KIF1C: variants seen among roughly 807,000 people sequenced by gnomAD.
KIF1C encodes kinesin family member 1C, also known as kinesin-like protein KIF1C.
KIF1C carries 61 observed loss-of-function variants against 126.5 expected under a neutral mutation model. The observed-to-expected ratio is 0.48, with a 90% CI of 0.39 to 0.60. The LOEUF is 0.60. KIF1C is among the 20% of genes least tolerant of loss of function. KIF1C has a pLI of 0.00. For synonymous variants in KIF1C, 640 were observed against 580.6 expected, an observed-to-expected ratio of 1.10 and a Z score of -1.47; for missense variants, 1,315 against 1,489.2, an observed-to-expected ratio of 0.88 and a Z score of 1.93.
At position 5,001,215 on chromosome 17, in the gene KIF1C, C is replaced by G; in HGVS notation, c.184-7C>G. On this transcript the variant is annotated splice_polypyrimidine_tract_variant and splice_region_variant and intron_variant, in intron 4 of 22. Coordinates refer to ENST00000320785, the MANE Select transcript of KIF1C (RefSeq NM_006612.6). ...CTCTGTTTTTCTCTGCCCCCACTTT[C>G]TCCTAGACGGAGGACCCCCAGTTTG... The G allele has an allele frequency of 1.2e-6, 2 of 1,613,872 alleles. No individual in the cohort carries two copies. The highest frequency in any genetic ancestry group is 1.1e-5 in the South Asian group (1 of 91,084).
chr17:5,007,198 G>A (rs555403346), intron 14 of KIF1C, 65 bp from the exon 15 acceptor site: 14 of 1,574,680 alleles, frequency 8.9e-6, no homozygotes, highest in African/African-American at 8.1e-5. Context: ...CCCAGGGTAG[G>A]TTGTCCCTAC....
rs772986886 is a variant in KIF1C, at chr17:5,023,535, C to T, written c.2696C>T (p.Ala899Val). 1 of 1,613,988 alleles carries T rather than the reference C, an allele frequency of 6.2e-7. No individual in the cohort carries two copies. The highest frequency in any genetic ancestry group is 1.1e-5 in the South Asian group (1 of 91,086). The change falls in exon 23 of 23, where the codon GCA (alanine) becomes GTA (valine). Residue 899 changes from alanine (A) to valine (V), a missense_variant. Transcript: ENST00000320785. The surrounding 1 kb of genome is among the most constrained non-coding windows in gnomAD (Gnocchi z 4.2). ...PWAPPEGSEA[A>V]EEAAPSDRMP... ...GCCCCGCCTGAAGGATCAGAGGCAG[C>T]AGAGGAGGCAGCCCCCAGTGACCGC...
At chr17:5,003,388 TC>T (rs1017377284) in intron 8 of KIF1C, among the ~76,000 whole-genome samples, 13 of 152,288 alleles carry the variant, frequency 8.5e-5, no homozygotes, top group Middle Eastern at 3.4e-3. Flanking sequence ...CCCCTGTGTG[TC>T]CCTTGTCCAT....
intron 16 of KIF1C, among the ~76,000 whole-genome samples, chr17:5,010,739 T>A (rs1477800062): frequency 6.6e-6 from 1 of 151,114 alleles, no homozygotes; most frequent in Admixed American, 6.6e-5. Context: ...AGAGCGAGAC[T>A]CCGTCTCAAA....
At position 5,022,058 on chromosome 17, in the gene KIF1C, A is replaced by G; in HGVS notation, c.2011-34A>G. 6.4e-7 allele frequency: 1 copy of G among 1,565,726 alleles called. No homozygotes were observed. The highest frequency in any genetic ancestry group is 8.7e-7 in the Non-Finnish European group (1 of 1,154,134). ...AGACACATGGGCTCTGGATGTCCTT[A>G]GCCCTCTCTTCCTCTTTCTTTCTCT... On this transcript the variant is annotated intron_variant, in intron 21 of 22. Transcript: ENST00000320785. The surrounding 1 kb of genome is among the most constrained non-coding windows in gnomAD (Gnocchi z 4.9).
At chr17:5,010,474 T>C (rs562769032) in intron 16 of KIF1C, among the ~76,000 whole-genome samples, 1 of 151,956 alleles carries the variant, frequency 6.6e-6, no homozygotes, top group South Asian at 2.1e-4. Flanking sequence ...CTAGGCCGGG[T>C]GCGGTGGCTC....
Position 5,004,981 on chromosome 17 carries a change from G to A in KIF1C, c.1146G>A (p.Leu382=). Residue 382 remains leucine (L), a synonymous_variant, in exon 13 of 23, where the codon CTG becomes CTA. Transcript: ENST00000320785. ...GGGAACTGCTGATGGCTCAGGGACT[G>A]TCAGCCTCTGCTCTGGAAGGTCGAG... ...RLRELLMAQG[L]SASALEGLKT... 6.2e-7 allele frequency: 1 copy of A among 1,614,248 alleles called. No individual in the cohort carries two copies. The highest frequency in any genetic ancestry group is 1.1e-5 in the South Asian group (1 of 91,088).
At position 5,007,534 on chromosome 17, in the gene KIF1C, C is replaced by A; in HGVS notation, c.1483C>A (p.Pro495Thr). 1 of 1,552,188 alleles carries A rather than the reference C, an allele frequency of 6.4e-7. No individual in the cohort carries two copies. The highest frequency in any genetic ancestry group is 8.7e-7 in the Non-Finnish European group (1 of 1,150,772). ...TGGGGGAACTGTGGGCGTCTTCTCT[C>A]CAAAGAAGGTGAGTGAGGAATCGAG... is the stretch of plus-strand genomic sequence containing the variant. ...EDGGTVGVFS[P>T]KKTPHLVNLN... is the part of the protein sequence containing the mutation. Residue 495 changes from proline (P) to threonine (T), a missense_variant, in exon 16 of 23, where the codon CCA becomes ACA. Pro to Thr is a conservative substitution (Grantham distance 38). Around this residue, in one of 2 missense-constraint regions of KIF1C, gnomAD observed 874 missense variants for 1,053.2 expected, o/e 0.83. Coordinates refer to ENST00000320785, the MANE Select transcript of KIF1C (RefSeq NM_006612.6).
In KIF1C at chr17:5,020,100, T is replaced by C; in HGVS notation, c.1750+21T>C. The C allele has an allele frequency of 1.9e-6, 3 of 1,560,482 alleles. No individual in the cohort carries two copies. Among genetic ancestry groups the C allele is most frequent in the Non-Finnish European group, 2.6e-6 (3 of 1,149,066 alleles). ...GTCAGGTAGAAGATGTGTCGCAGAT[T>C]GAGGGTTCTGGGGCGTGGCTGTGTG... On this transcript the variant is annotated intron_variant, in intron 19 of 22. Transcript: ENST00000320785. The surrounding 1 kb of genome is among the most constrained non-coding windows in gnomAD (Gnocchi z 5.8).
chr17:5,013,473 C>T (rs1260766448), intron 16 of KIF1C, among the ~76,000 whole-genome samples, 180 bp from the exon 17 acceptor site: 14 of 152,018 alleles, frequency 9.2e-5, no homozygotes, highest in Admixed American at 2.6e-4. Flanking sequence ...AACCAAAGAA[C>T]GTCATCGGGG....
intron 18 of KIF1C, among the ~76,000 whole-genome samples, chr17:5,017,595 G>A (rs555001866): frequency 1.3e-5 from 2 of 152,104 alleles, no homozygotes; most frequent in Admixed American, 6.5e-5. Flanking sequence ...TGAGCCACGC[G>A]CCCAGCCTGG....
intron 16 of KIF1C, among the ~76,000 whole-genome samples, chr17:5,009,496 T>C (rs1466180358): frequency 6.6e-6 from 1 of 151,710 alleles, no homozygotes; most frequent in African/African-American, 2.4e-5. Flanking sequence ...GTTCTTACTA[T>C]ATTCTCCTTG....
Position 5,013,686 on chromosome 17 carries a change from C to T in KIF1C, c.1525C>T (p.Leu509=). The T allele has an allele frequency of 6.2e-7, 1 of 1,613,862 alleles. No homozygotes were observed. ...CCTGGTGAACCTGAACGAAGACCCTCTGATGTCTGAGTGTCTGCTCTACCA... is the reference window on the plus strand; with the variant it reads ...CCTGGTGAACCTGAACGAAGACCCTTTGATGTCTGAGTGTCTGCTCTACCA... ...PHLVNLNEDP[L]MSECLLYHIK... The change falls in exon 17 of 23, where the codon CTG becomes TTG. Residue 509 remains leucine, a synonymous_variant. Transcript: ENST00000320785.
Position 5,000,802 on chromosome 17 carries a change from C to T in KIF1C, c.137C>T (p.Ala46Val), listed in dbSNP as rs1347751013. ...SIINPKQSKDAPKSFTFDYSY... is the reference protein window; with the variant it reads ...SIINPKQSKDVPKSFTFDYSY... ...ATCAATCCTAAACAGAGCAAGGATG[C>T]CCCCAAAAGCTTCACCTTTGACTAC... Residue 46 changes from alanine (A) to valine (V), a missense_variant, in exon 4 of 23, where the codon GCC becomes GTC. Physicochemically the swap from Ala to Val is moderately conservative, Grantham distance 64. Transcript: ENST00000320785. 1 of 1,614,018 alleles carries T rather than the reference C, an allele frequency of 6.2e-7. No individual in the cohort carries two copies. The highest frequency in any genetic ancestry group is 8.5e-7 in the Non-Finnish European group (1 of 1,179,944).
Position 5,004,983 on chromosome 17 carries a change from C to T in KIF1C, c.1148C>T (p.Ser383Leu). ...GAACTGCTGATGGCTCAGGGACTGT[C>T]AGCCTCTGCTCTGGAAGGTCGAGGT... ...LRELLMAQGLSASALEGLKTE... is the reference protein window; with the variant it reads ...LRELLMAQGLLASALEGLKTE... Residue 383 changes from serine (S) to leucine (L), a missense_variant, in exon 13 of 23, where the codon TCA becomes TTA. Physicochemically the swap from Ser to Leu is moderately radical, Grantham distance 145 (BLOSUM62 -2). Transcript: ENST00000320785. 1 of 1,614,234 alleles carries T rather than the reference C, an allele frequency of 6.2e-7. No homozygotes were observed. Among genetic ancestry groups the T allele is most frequent in the Non-Finnish European group, 8.5e-7 (1 of 1,180,036 alleles).
chr17:5,023,576 C>T lies in KIF1C; in HGVS notation c.2737C>T (p.Pro913Ser), dbSNP rs368398299. 20 of 1,613,316 alleles carry T rather than the reference C, an allele frequency of 1.2e-5. No individual in the cohort carries two copies. The East Asian group carries it at 2.0e-4, about 16-fold the overall frequency. The change falls in exon 23 of 23, where the codon CCC (proline) becomes TCC (serine). Residue 913 changes from proline (P) to serine (S), a missense_variant. Pro to Ser is a moderately conservative substitution (Grantham distance 74). Coordinates refer to ENST00000320785, the MANE Select transcript of KIF1C (RefSeq NM_006612.6). The surrounding 1 kb of genome is among the most constrained non-coding windows in gnomAD (Gnocchi z 4.2). ...CAGTGACCGCATGCCGTCAGCCCGG[C>T]CCCCCTCGCCACCACTGTCAAGCTG... ...APSDRMPSAR[P>S]PSPPLSSWER... is the part of the protein sequence containing the mutation.
rs150834363 is a variant in KIF1C at position 5,008,743 on chromosome 17, G to C, written c.1491+1201G>C. On this transcript the variant is annotated intron_variant, in intron 16 of 22. Coordinates refer to ENST00000320785, the MANE Select transcript of KIF1C (RefSeq NM_006612.6). ...TGTCTGGGGTCTTGTCTGGGGCTGG[G>C]TACCCTGGGGCTTTGGGGTCCTTCT... Among the ~76,000 whole-genome samples the C allele has an allele frequency of 6.8e-3, 1,043 of 152,304 alleles. 14 individuals carry two copies. Among genetic ancestry groups the C allele is most frequent in the African/African-American group, 0.023 (973 of 41,572 alleles).
In KIF1C at chr17:5,028,109, C is replaced by T. The variant is rs1373715800; in HGVS notation, c.*3958C>T. 6.6e-6 allele frequency: 1 copy of T among 152,148 alleles called. No individual in the cohort carries two copies. The highest frequency in any genetic ancestry group is 2.4e-5 in the African/African-American group (1 of 41,432). The allele number at this position is 152,148 out of a possible 1,614,324, so 9.4% of individuals were successfully genotyped here. ...ATTGCCCAGGCTGTCCTGTGAGTGA[C>T]AGCAGCTATTTCGTGGGCCTCCTCT... On this transcript the variant is annotated 3_prime_UTR_variant, in exon 23 of 23. Coordinates refer to ENST00000320785, the MANE Select transcript of KIF1C (RefSeq NM_006612.6).
chr17:5,001,667 C>G (rs1209753439), intron 5 of KIF1C, among the ~76,000 whole-genome samples: 1 of 152,238 alleles, frequency 6.6e-6, no homozygotes, highest in African/African-American at 2.4e-5. Flanking sequence ...CGACTTACTA[C>G]TGTTTTACTT....
Sources: allele counts gnomAD v4.1 joint callset (sites outside exome capture counted in the v4.1 genomes callset), GRCh38; gene constraint gnomAD v4.1.1; regional missense constraint gnomAD v4.1.1; non-coding constraint Gnocchi (gnomAD v3.1); transcripts MANE v1.5; gene names NCBI Gene and HGNC (gene_info 2026-07-23, HGNC 2026-07-21).